CCDC34: variants seen among roughly 807,000 people sequenced by gnomAD.
The protein encoded by CCDC34 is coiled-coil domain-containing protein 34.
A neutral mutation model predicts 44.1 loss-of-function variants in CCDC34; 40 were observed. That is an observed-to-expected ratio of 0.91 (90% CI 0.70 to 1.18). The LOEUF is 1.18. CCDC34 is among the 50% of genes most tolerant of loss of function. The probability of loss-of-function intolerance (pLI) is 0.00; values close to 1 mark genes in which losing one functional copy is unlikely to be tolerated. For missense variants in CCDC34, 466 were observed against 452.3 expected (o/e 1.03, Z -0.28); for synonymous variants, 159 against 158.2 (o/e 1.01, Z -0.04).
intron 2 of CCDC34, among the ~76,000 whole-genome samples, chr11:27,352,021 A>AT (rs897381944): frequency 1.3e-5 from 2 of 152,196 alleles, no homozygotes; most frequent in Non-Finnish European, 2.9e-5. Flanking sequence ...ATTTGAAGGG[A>AT]TGAGAACTAT....
intron 1 of CCDC34, 94 bp downstream of exon 1, chr11:27,362,742 G>A (rs1862684631): frequency 7.1e-7 from 1 of 1,415,696 alleles, no homozygotes; most frequent in Non-Finnish European, 9.6e-7. Context: ...CTCTGCCTTT[G>A]GGGCGGAGGG....
rs546462741 is a variant in CCDC34 at position 27,361,398 on chromosome 11, T to C, written c.359+1438A>G. On this transcript the variant is annotated intron_variant, in intron 1 of 5. Transcript: ENST00000328697. ...ACTAACTTGTGTCCAGATTGCTTAG[T>C]CCAGTTGATTATGCTCAGAAAGTAT... Among the ~76,000 whole-genome samples the C allele has an allele frequency of 2.0e-5, 3 of 152,390 alleles. No homozygotes were observed. The East Asian group carries it at 5.8e-4, about 29-fold the overall frequency.
chr11:27,351,582 T>C (rs1862503716), intron 2 of CCDC34, among the ~76,000 whole-genome samples: 1 of 152,208 alleles, frequency 6.6e-6, no homozygotes, highest in African/African-American at 2.4e-5. Context: ...TTTGATGACT[T>C]ACTCAGTATA....
rs967760026 is a variant in CCDC34, at chr11:27,338,690, T to C, written c.*131A>G. On this transcript the variant is annotated 3_prime_UTR_variant, in exon 6 of 6. Coordinates refer to ENST00000328697, the MANE Select transcript of CCDC34 (RefSeq NM_030771.2). ...ATCTTCCTCAACTCTAAGGACTCCA[T>C]ATACAAATGCAAAAATTGCTATTTG... 5.3e-6 allele frequency: 4 copies of C among 757,146 alleles called. No homozygotes were observed. Among genetic ancestry groups the C allele is most frequent in the Non-Finnish European group, 8.6e-6 (4 of 464,944 alleles). 46.9% of individuals were successfully genotyped at this position (757,146 alleles called of 1,614,324 possible).
At chr11:27,343,155 C>T (rs772575266) in intron 3 of CCDC34, among the ~76,000 whole-genome samples, 19 of 152,168 alleles carry the variant, frequency 1.2e-4, no homozygotes, top group Non-Finnish European at 2.2e-4. Context: ...AATCCCAGCA[C>T]TTTGCGGGGC....
intron 2 of CCDC34, among the ~76,000 whole-genome samples, chr11:27,351,406 A>G (rs891611231): frequency 6.6e-6 from 1 of 152,144 alleles, no homozygotes; most frequent in Non-Finnish European, 1.5e-5. Context: ...TGCATTTTAA[A>G]CAACTGGTCA....
intron 3 of CCDC34, chr11:27,348,918 A>G (rs1823359118): frequency 1.0e-6 from 1 of 984,604 alleles, no homozygotes; most frequent in African/African-American, 1.7e-5. Flanking sequence ...ACATTACGGA[A>G]TTTTGCCTTC....
At chr11:27,339,873 T>C (rs1436283989) in intron 5 of CCDC34, among the ~76,000 whole-genome samples, 1 of 152,218 alleles carries the variant, frequency 6.6e-6, no homozygotes, top group Non-Finnish European at 1.5e-5. Flanking sequence ...CCTAAACTTT[T>C]AACTTTACTA....
chr11:27,360,356 A>G (rs1862644390), intron 1 of CCDC34, among the ~76,000 whole-genome samples: 1 of 152,236 alleles, frequency 6.6e-6, no homozygotes, highest in African/African-American at 2.4e-5. Flanking sequence ...TTGAAGGTCA[A>G]TGCATCCTCT....
At chr11:27,348,111 C>T (rs543749779) in intron 3 of CCDC34, among the ~76,000 whole-genome samples, 15 of 151,964 alleles carry the variant, frequency 9.9e-5, no homozygotes, top group East Asian at 1.9e-4. Context: ...TTTTTAAAGA[C>T]GCTGCACCGA....
intron 3 of CCDC34, chr11:27,349,756 TATTC>T (rs1179301925): frequency 1.1e-6 from 1 of 950,492 alleles, no homozygotes; most frequent in East Asian, 1.2e-4. Context: ...CATGCGCAGG[TATTC>T]ATCTAGCTCC....
chr11:27,341,713 C>G (rs1427417157), intron 3 of CCDC34, among the ~76,000 whole-genome samples, 163 bp from the exon 4 acceptor site: 1 of 152,080 alleles, frequency 6.6e-6, no homozygotes, highest in African/African-American at 2.4e-5. Flanking sequence ...TATAACATAC[C>G]TGCAATTAAC....
At chr11:27,340,639 TATA>T (rs1862341643) in intron 5 of CCDC34, 54 bp downstream of exon 5, 2 of 1,495,522 alleles carry the variant, frequency 1.3e-6, no homozygotes, top group East Asian at 2.3e-5. Context: ...TCAAAAGGAG[TATA>T]ATATTTGCTT....
At chr11:27,361,976 A>G (rs1296264289) in intron 1 of CCDC34, among the ~76,000 whole-genome samples, 2 of 152,166 alleles carry the variant, frequency 1.3e-5, no homozygotes, top group Non-Finnish European at 2.9e-5. Flanking sequence ...TGTATACCCA[A>G]TACTAGGCAT....
chr11:27,349,496 G>A (rs1321174633), intron 3 of CCDC34: 7 of 890,024 alleles, frequency 7.9e-6, no homozygotes, highest in Non-Finnish European at 9.4e-6. Context: ...TAAAAAGTTA[G>A]AATTAAAATT....
At position 27,363,152 on chromosome 11, in the gene CCDC34, A is replaced by G; in HGVS notation, c.43T>C (p.Tyr15His). The change falls in exon 1 of 6, where the codon TAC becomes CAC. Residue 15 changes from tyrosine to histidine, a missense_variant. Tyr to His is a moderately conservative substitution (Grantham distance 83). Transcript: ENST00000328697. Reference protein sequence around the residue: ...GRWGPTFPSSYAGFSADCRPR... With the variant: ...GRWGPTFPSSHAGFSADCRPR... ...CTGCAGTCAGCAGAGAAACCGGCGT[A>G]GGAAGAGGGAAAAGTAGGCCCCCAG... The G allele has an allele frequency of 6.6e-7, 1 of 1,517,182 alleles. No individual in the cohort carries two copies. Among genetic ancestry groups the G allele is most frequent in the Non-Finnish European group, 8.8e-7 (1 of 1,137,064 alleles). 94.0% of individuals were successfully genotyped at this position (1,517,182 alleles called of 1,614,324 possible). A position where few individuals can be genotyped will look rare whatever the true frequency, so the allele number is the denominator to read the frequency against.
At chr11:27,362,152 G>GT (rs1367131107) in intron 1 of CCDC34, among the ~76,000 whole-genome samples, 9 of 152,228 alleles carry the variant, frequency 5.9e-5, no homozygotes, top group Non-Finnish European at 1.3e-4. Context: ...GTAGAGACCA[G>GT]TATCTTGTTT....
At position 27,357,429 on chromosome 11, in the gene CCDC34, C is replaced by G; in HGVS notation, c.472G>C (p.Asp158His). The G allele has an allele frequency of 2.5e-6, 4 of 1,613,966 alleles. No homozygotes were observed. The highest frequency in any genetic ancestry group is 3.4e-6 in the Non-Finnish European group (4 of 1,179,902). ...WFIGKEKEER[D>H]RLQLKALEEL... is the part of the protein sequence containing the mutation. Reference sequence around the variant, plus strand: ...TCTAGAGCTTTCAGTTGCAGCCGGTCACGTTCTTCTTTTTCTTTGCCAATA... The same window carrying G: ...TCTAGAGCTTTCAGTTGCAGCCGGTGACGTTCTTCTTTTTCTTTGCCAATA... The change falls in exon 2 of 6, where the codon GAC becomes CAC. Residue 158 changes from aspartate to histidine, a missense_variant. Asp to His is a moderately conservative substitution (Grantham distance 81, BLOSUM62 -1). Transcript: ENST00000328697.
intron 1 of CCDC34, among the ~76,000 whole-genome samples, chr11:27,358,970 C>CA (rs1554963887): frequency 2.5e-5 from 3 of 117,788 alleles, no homozygotes; most frequent in Admixed American, 8.6e-5. Context: ...CCCCCCCCCC[C>CA]ACCGCCACCA....
Sources: allele counts gnomAD v4.1 joint callset (sites outside exome capture counted in the v4.1 genomes callset), GRCh38; gene constraint gnomAD v4.1.1; transcripts MANE v1.5; gene names NCBI Gene and HGNC (gene_info 2026-07-23, HGNC 2026-07-21).